Variants in FHIT observed in about 807,000 individuals in gnomAD.
The protein encoded by FHIT is fragile histidine triad diadenosine triphosphatase, also known as bis(5'-adenosyl)-triphosphatase.
A neutral mutation model predicts 17.9 loss-of-function variants in FHIT; 19 were observed. The observed-to-expected ratio is 1.06, with a 90% CI of 0.74 to 1.56. FHIT has a LOEUF of 1.56. FHIT is among the 40% of genes most tolerant of loss of function. The probability of loss-of-function intolerance (pLI) is 0.00; values close to 1 mark genes in which losing one functional copy is unlikely to be tolerated. For synonymous variants in FHIT, 81 were observed against 69.7 expected, an observed-to-expected ratio of 1.16 and a Z score of -0.81; for missense variants, 248 against 189.2, an observed-to-expected ratio of 1.31 and a Z score of -1.82.
chr3:60,022,469 T>C (rs1282007914), intron 5 of FHIT, among the ~76,000 whole-genome samples: 1 of 152,212 alleles, frequency 6.6e-6, no homozygotes, highest in African/African-American at 2.4e-5. Flanking sequence ...CCTTAACTTC[T>C]AGTATGTGAC....
chr3:60,195,617 TTATA>T (rs917033258), intron 5 of FHIT, among the ~76,000 whole-genome samples: 5 of 144,168 alleles, frequency 3.5e-5, no homozygotes, highest in African/African-American at 1.3e-4. Context: ...GTATATATAA[TTATA>T]TATATTAATA....
chr3:60,412,368 T>A (rs1374998307), intron 5 of FHIT, among the ~76,000 whole-genome samples: 1 of 151,960 alleles, frequency 6.6e-6, no homozygotes, highest in Non-Finnish European at 1.5e-5. Context: ...AGGACAAAAA[T>A]AAATAAATAA....
intron 2 of FHIT, among the ~76,000 whole-genome samples, chr3:61,131,916 T>C (rs2036776522): frequency 6.6e-6 from 1 of 152,094 alleles, no homozygotes; most frequent in Non-Finnish European, 1.5e-5. Context: ...GGTACTAAAA[T>C]AGCCCCAGAA....
intron 5 of FHIT, among the ~76,000 whole-genome samples, chr3:60,058,667 G>A (rs1702183445): frequency 6.6e-6 from 1 of 152,118 alleles, no homozygotes; most frequent in Non-Finnish European, 1.5e-5. Flanking sequence ...CCCACTAGCT[G>A]TAAAGTGACA....
At chr3:60,200,594 T>G (rs1702854885) in intron 5 of FHIT, among the ~76,000 whole-genome samples, 5 of 152,054 alleles carry the variant, frequency 3.3e-5, no homozygotes, top group Admixed American at 3.3e-4. Context: ...ATCCATGCTT[T>G]GAACTCTAGG....
At chr3:61,188,125 A>T (rs1378940672) in intron 2 of FHIT, among the ~76,000 whole-genome samples, 1 of 152,248 alleles carries the variant, frequency 6.6e-6, no homozygotes, top group Non-Finnish European at 1.5e-5. Context: ...ACCCTTCGAA[A>T]AATTAATGAA....
intron 7 of FHIT, among the ~76,000 whole-genome samples, chr3:59,944,514 C>CTT (rs5849312): frequency 2.0e-4 from 30 of 150,164 alleles, no homozygotes; most frequent in East Asian, 9.8e-4. Flanking sequence ...ACATTTTTTT[C>CTT]TTTTTTTTTT....
At chr3:59,931,741 G>A (rs560178183) in intron 7 of FHIT, among the ~76,000 whole-genome samples, 5 of 152,176 alleles carry the variant, frequency 3.3e-5, no homozygotes, top group South Asian at 2.1e-4. Flanking sequence ...GTTGAGTTTC[G>A]TGGCTTAACA....
chr3:60,999,491 A>G (rs1251135386), intron 3 of FHIT, among the ~76,000 whole-genome samples: 2 of 150,476 alleles, frequency 1.3e-5, no homozygotes, highest in Admixed American at 6.7e-5. Flanking sequence ...TAGTATGGTC[A>G]TCATAACATT....
intron 7 of FHIT, among the ~76,000 whole-genome samples, chr3:59,960,810 T>A (rs1414077901): frequency 6.6e-6 from 1 of 152,194 alleles, no homozygotes; most frequent in Non-Finnish European, 1.5e-5. Context: ...TGCATATCTG[T>A]TTTATACTAT....
At chr3:60,758,295 G>T (rs1699519743) in intron 4 of FHIT, among the ~76,000 whole-genome samples, 1 of 152,072 alleles carries the variant, frequency 6.6e-6, no homozygotes. Flanking sequence ...TAGCCCCAAG[G>T]TACTGCACTC....
intron 8 of FHIT, among the ~76,000 whole-genome samples, chr3:59,775,937 G>A (rs889908388): frequency 6.6e-6 from 1 of 152,212 alleles, no homozygotes; most frequent in African/African-American, 2.4e-5. Flanking sequence ...TGGAGATAAT[G>A]AAGCCCCATT....
intron 2 of FHIT, among the ~76,000 whole-genome samples, chr3:61,098,695 T>C (rs921597951): frequency 1.3e-5 from 2 of 152,182 alleles, no homozygotes; most frequent in Non-Finnish European, 2.9e-5. Flanking sequence ...TCCTAGGTAT[T>C]TTATTCTTCT....
chr3:60,943,376 ATTTTTGCT>A (rs1490222661), intron 3 of FHIT, among the ~76,000 whole-genome samples: 1 of 152,002 alleles, frequency 6.6e-6, no homozygotes, highest in Non-Finnish European at 1.5e-5. Flanking sequence ...CTGTAATAAT[ATTTTTGCT>A]TTTAAAGTAT....
chr3:59,939,628 G>A (rs1706413084), intron 7 of FHIT, among the ~76,000 whole-genome samples: 2 of 152,198 alleles, frequency 1.3e-5, no homozygotes, highest in Admixed American at 6.5e-5. Context: ...AAAAATGAAT[G>A]TGTCTTCTAG....
intron 5 of FHIT, among the ~76,000 whole-genome samples, chr3:60,356,379 A>G (rs10510842): frequency 7.9e-5 from 12 of 152,126 alleles, no homozygotes; most frequent in African/African-American, 2.9e-4. Context: ...GCATGATCGC[A>G]TAATTTTTTA....
At chr3:59,840,333 T>C (rs922027213) in intron 8 of FHIT, among the ~76,000 whole-genome samples, 1 of 151,338 alleles carries the variant, frequency 6.6e-6, no homozygotes, top group African/African-American at 2.4e-5. Flanking sequence ...GCAAACCCAC[T>C]TCCTTCAGCA....
chr3:60,602,104 C>T lies in FHIT; in HGVS notation c.-17-65125G>A, dbSNP rs1576952686. ...CATCAGTGTCCCTGAAACACTGGAC[C>T]GTAAAAAGAAAAATTCTCAGTTTTC... On this transcript the variant is annotated intron_variant, in intron 4 of 9. Transcript: ENST00000492590. Among the ~76,000 whole-genome samples, 3 of 151,980 alleles carry T rather than the reference C, an allele frequency of 2.0e-5. No individual in the cohort carries two copies. In the South Asian group the frequency reaches 6.2e-4, roughly 32 times the overall value.
intron 2 of FHIT, among the ~76,000 whole-genome samples, chr3:61,117,898 G>T (rs763776230): frequency 6.6e-6 from 1 of 152,092 alleles, no homozygotes; most frequent in Non-Finnish European, 1.5e-5. Flanking sequence ...TTTACCGAAC[G>T]AATGAACAAA....
Sources: allele counts gnomAD v4.1 joint callset (sites outside exome capture counted in the v4.1 genomes callset), GRCh38; gene constraint gnomAD v4.1.1; transcripts MANE v1.5; gene names NCBI Gene and HGNC (gene_info 2026-07-23, HGNC 2026-07-21).